Variants in ZNF585B observed in about 807,000 individuals in gnomAD.
ZNF585B encodes the protein zinc finger protein 585B.
In ZNF585B, 7 loss-of-function variants were observed where a neutral mutation model predicts 14.0. The observed-to-expected ratio is 0.50, with a 90% CI of 0.28 to 0.94. The LOEUF (loss-of-function observed/expected upper bound fraction) is 0.94, where lower values mean the gene tolerates loss of function less well. ZNF585B is among the 40% of genes least tolerant of loss of function. The probability of loss-of-function intolerance (pLI) is 0.09; values close to 1 mark genes in which losing one functional copy is unlikely to be tolerated. For synonymous variants in ZNF585B, 290 were observed against 317.3 expected (o/e 0.91, Z 0.91); for missense variants, 750 against 924.4 (o/e 0.81, Z 2.45).
chr19:37,208,772 A>C lies in ZNF585B; in HGVS notation c.-143-1518T>G, dbSNP rs972716225. Among the ~76,000 whole-genome samples the C allele has an allele frequency of 3.3e-5, 5 of 152,162 alleles. No individual in the cohort carries two copies. In the East Asian group the frequency reaches 9.7e-4, roughly 29 times the overall value. On this transcript the variant is annotated intron_variant, in intron 1 of 4. Coordinates refer to ENST00000532828, the MANE Select transcript of ZNF585B (RefSeq NM_152279.4). ...AGTAACAGACCAAGCACAATGGATC[A>C]CTTGAGGCCAGGAGTTCGAGACCAG...
rs200393606 is a variant in ZNF585B at position 37,190,094 on chromosome 19, G to A, written c.129C>T (p.His43=). 124 of 1,614,030 alleles carry A rather than the reference G, an allele frequency of 7.7e-5. 1 individual carries two copies. The highest frequency in any genetic ancestry group is 1.7e-5 in the Admixed American group (1 of 59,990). Residue 43 remains histidine, a synonymous_variant, in exon 3 of 5, where the codon CAC becomes CAT. Coordinates refer to ENST00000532828, the MANE Select transcript of ZNF585B (RefSeq NM_152279.4). ...ACAGGTTTCTCTGAGAAAGGTCCAG[G>A]TGCCGCCATTCCTCTCTGCTGAAAT... The part of the protein sequence containing the change: ...AIDFSREEWR[H]LDLSQRNLYR...
chr19:37,196,563 C>G (rs1407771900), intron 2 of ZNF585B, among the ~76,000 whole-genome samples: 1 of 151,948 alleles, frequency 6.6e-6, no homozygotes, highest in Non-Finnish European at 1.5e-5. Flanking sequence ...GTGTGCCTCC[C>G]TCTCCTGCCC....
intron 2 of ZNF585B, among the ~76,000 whole-genome samples, chr19:37,201,908 A>G (rs1304072574): frequency 1.3e-5 from 2 of 152,120 alleles, no homozygotes; most frequent in Non-Finnish European, 2.9e-5. Context: ...GAGGTATTTT[A>G]CTATTTTAGT....
Position 37,185,202 on chromosome 19 carries a change from G to A in ZNF585B, c.*25C>T, listed in dbSNP as rs371111340. ...AGTGTACAATCAGACCCAACCCTCA[G>A]GGGGGTTTTCTCACACTGTTTCTCT... On this transcript the variant is annotated 3_prime_UTR_variant, in exon 5 of 5. Coordinates refer to ENST00000532828, the MANE Select transcript of ZNF585B (RefSeq NM_152279.4). 6.3e-7 allele frequency: 1 copy of A among 1,585,764 alleles called. No homozygotes were observed.
chr19:37,198,948 T>A, intron 2 of ZNF585B: 1 of 1,490,238 alleles, frequency 6.7e-7, no homozygotes, highest in South Asian at 1.3e-5. Flanking sequence ...CCTTGTTGAT[T>A]TCTTCATTTA....
intron 2 of ZNF585B, among the ~76,000 whole-genome samples, chr19:37,192,874 G>A (rs982112926): frequency 6.6e-6 from 1 of 151,250 alleles, no homozygotes; most frequent in Non-Finnish European, 1.5e-5. Flanking sequence ...AGTGGCTCAC[G>A]CCTATTATCT....
At position 37,197,330 on chromosome 19, in the gene ZNF585B, A is replaced by G. The variant is rs540568073; in HGVS notation, c.73-7180T>C. On this transcript the variant is annotated intron_variant, in intron 2 of 4. Transcript: ENST00000532828. ...TGAAATCATCCTTTTTTATGGCTGC[A>G]TAGTATTCCATGGTGTATATGTGCC... 6.9e-3 allele frequency among the ~76,000 whole-genome samples: 1,047 copies of G among 152,178 alleles called. 14 individuals carry two copies. Among genetic ancestry groups the G allele is most frequent in the African/African-American group, 0.024 (1,010 of 41,508 alleles).
intron 2 of ZNF585B, among the ~76,000 whole-genome samples, chr19:37,193,237 C>T (rs887200143): frequency 2.0e-4 from 31 of 151,990 alleles, no homozygotes; most frequent in African/African-American, 6.0e-4. Context: ...TTTGGGAGGC[C>T]GAGGCGGGCA....
intron 2 of ZNF585B, 74 bp downstream of exon 2, chr19:37,206,966 T>A (rs1972593173): frequency 3.1e-6 from 5 of 1,592,594 alleles, no homozygotes; most frequent in Middle Eastern, 2.2e-4. Flanking sequence ...GCCTCTGCCC[T>A]AAGGCTGTGG....
At chr19:37,190,416 T>G in intron 2 of ZNF585B, 1 of 304,636 alleles carries the variant, frequency 3.3e-6, no homozygotes, top group South Asian at 4.3e-5. Flanking sequence ...CAGCTAATTT[T>G]TGTATTTTTA....
chr19:37,206,099 A>C (rs186969727), intron 2 of ZNF585B, among the ~76,000 whole-genome samples: 49 of 151,460 alleles, frequency 3.2e-4, no homozygotes, highest in African/African-American at 1.1e-3. Flanking sequence ...TAAATAAATA[A>C]ATAATTTAAA....
In ZNF585B at chr19:37,207,194, G is replaced by A; in HGVS notation, c.-83C>T. 6.3e-7 allele frequency: 1 copy of A among 1,591,134 alleles called. No homozygotes were observed. The highest frequency in any genetic ancestry group is 8.5e-7 in the Non-Finnish European group (1 of 1,170,652). ...GTGAACTCAGCAGAGCTGCTCCGAA[G>A]AGGTGGGCTGGAGTCTGGAGGAAGG... On this transcript the variant is annotated 5_prime_UTR_variant, in exon 2 of 5. Transcript: ENST00000532828.
chr19:37,189,849 G>A, intron 3 of ZNF585B, 96 bp from the exon 4 acceptor site: 2 of 1,587,188 alleles, frequency 1.3e-6, no homozygotes, highest in Middle Eastern at 1.7e-4. Context: ...TTGTTCTTTA[G>A]GAAAGTAACC....
rs1481788793 is a variant in ZNF585B at position 37,182,628 on chromosome 19, G to C, written c.*2599C>G. The C allele has an allele frequency of 6.6e-6, 1 of 152,212 alleles. No homozygotes were observed. The highest frequency in any genetic ancestry group is 6.5e-5 in the Admixed American group (1 of 15,282). 9.4% of individuals were successfully genotyped at this position (152,212 alleles called of 1,614,324 possible). A position where few individuals can be genotyped will look rare whatever the true frequency, so the allele number is the denominator to read the frequency against. ...ATGGCTCAGTAGACATTGATCTAAGGTGAGGTAATGGGATGTGTCACCAAG... is the reference window on the plus strand; with the variant it reads ...ATGGCTCAGTAGACATTGATCTAAGCTGAGGTAATGGGATGTGTCACCAAG... On this transcript the variant is annotated 3_prime_UTR_variant, in exon 5 of 5. Coordinates refer to ENST00000532828, the MANE Select transcript of ZNF585B (RefSeq NM_152279.4).
Position 37,181,583 on chromosome 19 carries a change from T to C in ZNF585B, c.*3644A>G, listed in dbSNP as rs535636368. On this transcript the variant is annotated 3_prime_UTR_variant, in exon 5 of 5. Coordinates refer to ENST00000532828, the MANE Select transcript of ZNF585B (RefSeq NM_152279.4). The stretch of plus-strand genomic sequence containing the variant: ...ACACAAAAACCTGCACACAGGTGTT[T>C]ATAGCATCTTTATTCATAATCAACA... The C allele has an allele frequency of 5.3e-5, 8 of 152,234 alleles. No homozygotes were observed. Among genetic ancestry groups the C allele is most frequent in the South Asian group, 2.1e-4 (1 of 4,828 alleles). 9.4% of individuals were successfully genotyped at this position (152,234 alleles called of 1,614,324 possible). A position where few individuals can be genotyped will look rare whatever the true frequency, so the allele number is the denominator to read the frequency against.
chr19:37,206,102 A>T (rs527637555), intron 2 of ZNF585B, among the ~76,000 whole-genome samples: 181 of 151,654 alleles, frequency 1.2e-3, no homozygotes, highest in African/African-American at 4.4e-3. Context: ...ATAAATAAAT[A>T]ATTTAAAAAA....
chr19:37,201,247 C>A (rs1471149403), intron 2 of ZNF585B, among the ~76,000 whole-genome samples: 1 of 151,814 alleles, frequency 6.6e-6, no homozygotes, highest in Admixed American at 6.6e-5. Context: ...GAATTCTCAC[C>A]AAAAAAATTA....
In ZNF585B at chr19:37,187,069, T is replaced by C; in HGVS notation, c.468A>G (p.Lys156=). 2 of 1,613,512 alleles carry C rather than the reference T, an allele frequency of 1.2e-6. No homozygotes were observed. Among genetic ancestry groups the C allele is most frequent in the Non-Finnish European group, 1.7e-6 (2 of 1,179,908 alleles). The stretch of plus-strand genomic sequence containing the variant: ...TCCCACATTCAATACATACATAGAG[T>C]TTTTCTCCTGTAGGAACTTTCAGAT... ...KVHLKVPTGE[K]LYVCIECGRA... is the part of the protein sequence containing the mutation. The change falls in exon 5 of 5, where the codon AAA becomes AAG. Residue 156 remains lysine (K), a synonymous_variant. Transcript: ENST00000532828.
In ZNF585B at chr19:37,185,440, GAA is replaced by G; in HGVS notation, c.2095_2096del (p.Phe699HisfsTer2). 5 of 1,612,868 alleles carry G rather than the reference GAA, an allele frequency of 3.1e-6. No homozygotes were observed. Among genetic ancestry groups the G allele is most frequent in the Non-Finnish European group, 4.2e-6 (5 of 1,179,470 alleles). ...PYECSDCGKS[F>X]TKKSQLQVHQ... ...GCACTTGGAGCTGTGATTTTTTAGT[GAA>G]AGACTTCCCACAGTCACTGCACTCA... On this transcript the variant is annotated frameshift_variant, in exon 5 of 5. Coordinates refer to ENST00000532828, the MANE Select transcript of ZNF585B (RefSeq NM_152279.4). LOFTEE classifies it low-confidence loss of function (END_TRUNC).
Sources: allele counts gnomAD v4.1 joint callset (sites outside exome capture counted in the v4.1 genomes callset), GRCh38; gene constraint gnomAD v4.1.1; transcripts MANE v1.5; gene names NCBI Gene and HGNC (gene_info 2026-07-23, HGNC 2026-07-21).